AFG1L: variants seen among roughly 807,000 people sequenced by gnomAD.
AFG1L encodes AFG1-like ATPase.
A neutral mutation model predicts 62.2 loss-of-function variants in AFG1L; 53 were observed. That is an observed-to-expected ratio of 0.85 (90% CI 0.68 to 1.07). The LOEUF is 1.07. AFG1L is among the 50% of genes least tolerant of loss of function. The pLI, the probability that AFG1L is intolerant of heterozygous loss-of-function variation, is 0.00. For missense variants in AFG1L, 555 were observed against 590.5 expected (o/e 0.94, Z 0.62); for synonymous variants, 228 against 210.3 (o/e 1.08, Z -0.73).
intron 10 of AFG1L, among the ~76,000 whole-genome samples, chr6:108,493,073 A>G (rs777010056): frequency 6.6e-6 from 1 of 152,194 alleles, no homozygotes; most frequent in African/African-American, 2.4e-5. Context: ...GTAATGTACT[A>G]TCCAGCTCAC....
intron 2 of AFG1L, among the ~76,000 whole-genome samples, chr6:108,346,146 C>T (rs1319965221): frequency 6.6e-6 from 1 of 152,124 alleles, no homozygotes; most frequent in East Asian, 1.9e-4. Flanking sequence ...AGCATTTTTT[C>T]CAATTTCCTT....
intron 8 of AFG1L, among the ~76,000 whole-genome samples, chr6:108,466,046 T>C (rs562829043): frequency 6.6e-6 from 1 of 152,304 alleles, no homozygotes; most frequent in South Asian, 2.1e-4. Context: ...ATTACATTTG[T>C]GTTTTTATGC....
intron 5 of AFG1L, 43 bp from the exon 6 acceptor site, chr6:108,366,190 C>A: frequency 1.6e-6 from 2 of 1,240,158 alleles, no homozygotes; most frequent in South Asian, 1.4e-5. Flanking sequence ...TTTGTTACAG[C>A]AGAAGTGAAA....
chr6:108,521,326 A>G (rs1288091716), intron 12 of AFG1L: 1 of 152,140 alleles, frequency 6.6e-6, no homozygotes, highest in Non-Finnish European at 1.5e-5. Context: ...TTTCTACAAA[A>G]AATAAAAAAT....
intron 10 of AFG1L, among the ~76,000 whole-genome samples, chr6:108,500,171 CGTGTGTGTGTGTGTGTGTGTGTGT>C (rs61654685): frequency 3.0e-5 from 4 of 135,070 alleles, no homozygotes; most frequent in East Asian, 2.2e-4. Context: ...ATGGTGCGTG[CGTGTGTGTGTGTGTGTGTGTGTGT>C]GTGTGTGTGT....
intron 6 of AFG1L, among the ~76,000 whole-genome samples, chr6:108,370,537 T>C (rs955138756): frequency 6.6e-6 from 1 of 152,092 alleles, no homozygotes; most frequent in Non-Finnish European, 1.5e-5. Flanking sequence ...CAAAGTATCC[T>C]ATAATTTAAC....
At chr6:108,353,662 A>AT (rs1048332879) in intron 3 of AFG1L, among the ~76,000 whole-genome samples, 130 of 151,798 alleles carry the variant, frequency 8.6e-4, no homozygotes, top group African/African-American at 3.0e-3. Flanking sequence ...TAGTGAATGC[A>AT]TTTTTGGTTA....
At chr6:108,503,481 CT>C (rs766059127) in intron 10 of AFG1L, among the ~76,000 whole-genome samples, 1 of 152,108 alleles carries the variant, frequency 6.6e-6, no homozygotes, top group Non-Finnish European at 1.5e-5. Context: ...TGAAAGAAGT[CT>C]TTTTTTCTGA....
At chr6:108,321,470 C>T (rs1777810247) in intron 1 of AFG1L, among the ~76,000 whole-genome samples, 1 of 152,190 alleles carries the variant, frequency 6.6e-6, no homozygotes, top group Non-Finnish European at 1.5e-5. Flanking sequence ...TTCCAACCTT[C>T]TACCCACTTG....
intron 10 of AFG1L, among the ~76,000 whole-genome samples, chr6:108,508,319 C>T (rs1420937682): frequency 6.6e-6 from 1 of 152,190 alleles, no homozygotes; most frequent in East Asian, 1.9e-4. Context: ...AACCCCACCC[C>T]ACTCCCAGAA....
At chr6:108,465,062 C>A (rs932895414) in intron 8 of AFG1L, among the ~76,000 whole-genome samples, 12 of 152,162 alleles carry the variant, frequency 7.9e-5, no homozygotes, top group Non-Finnish European at 1.5e-4. Context: ...AGCAACTGAA[C>A]TTAATTTATT....
chr6:108,517,125 T>C (rs1294142726), intron 11 of AFG1L, among the ~76,000 whole-genome samples: 1 of 152,190 alleles, frequency 6.6e-6, no homozygotes, highest in East Asian at 1.9e-4. Flanking sequence ...CTACCAATGA[T>C]TTTCTTCACA....
At chr6:108,362,596 T>A (rs1425695164) in intron 5 of AFG1L, among the ~76,000 whole-genome samples, 1 of 152,210 alleles carries the variant, frequency 6.6e-6, no homozygotes, top group Non-Finnish European at 1.5e-5. Flanking sequence ...TTACTTTATG[T>A]CTCATAACAA....
chr6:108,411,701 G>C (rs1356718465), intron 7 of AFG1L, among the ~76,000 whole-genome samples: 14 of 152,196 alleles, frequency 9.2e-5, no homozygotes, highest in Admixed American at 9.2e-4. Context: ...AGTCCTGACT[G>C]TTAGAAGGAA....
intron 6 of AFG1L, among the ~76,000 whole-genome samples, chr6:108,368,756 A>G (rs1779864988): frequency 6.6e-6 from 1 of 152,232 alleles, no homozygotes; most frequent in South Asian, 2.1e-4. Flanking sequence ...GACTGCTGAA[A>G]GGATAATTAG....
At chr6:108,392,986 T>C (rs565514302) in intron 6 of AFG1L, among the ~76,000 whole-genome samples, 15 of 152,202 alleles carry the variant, frequency 9.9e-5, no homozygotes, top group African/African-American at 3.4e-4. Context: ...AAAATCCTCT[T>C]TGTTTGTGTT....
Position 108,524,028 on chromosome 6 carries a change from G to A in AFG1L, c.*1603G>A, listed in dbSNP as rs78391961. 6.8e-6 allele frequency: 1 copy of A among 148,122 alleles called. No individual in the cohort carries two copies. The highest frequency in any genetic ancestry group is 1.9e-4 in the East Asian group (1 of 5,188). 9.2% of individuals were successfully genotyped at this position (148,122 alleles called of 1,614,324 possible). On this transcript the variant is annotated 3_prime_UTR_variant, in exon 13 of 13. Transcript: ENST00000368977. ...TTTAAAAATAAGAAAACTGAGTCTT[G>A]GGAAAGTTAAGTAGCTTGACCTGAG...
chr6:108,499,818 T>C (rs1392613375), intron 10 of AFG1L, among the ~76,000 whole-genome samples: 1 of 151,966 alleles, frequency 6.6e-6, no homozygotes, highest in African/African-American at 2.4e-5. Context: ...AAATAATAGA[T>C]TCAGGGGGTA....
intron 10 of AFG1L, among the ~76,000 whole-genome samples, chr6:108,484,018 G>A (rs1364307066): frequency 6.6e-6 from 1 of 152,094 alleles, no homozygotes; most frequent in African/African-American, 2.4e-5. Flanking sequence ...TCTGGTTTGT[G>A]TCCTGTGCTT....
Sources: gnomAD v4.1 joint callset for allele counts (sites outside exome capture counted in the v4.1 genomes callset) on GRCh38, gnomAD v4.1.1 for gene constraint, MANE v1.5 for transcripts, NCBI Gene and HGNC (gene_info 2026-07-23, HGNC 2026-07-21) for gene names.